The following BCAS3 variants were observed in gnomAD, a reference collection of about 807,000 sequenced individuals.
The protein encoded by BCAS3 is BCAS4/BCAS3 fusion.
A neutral mutation model predicts 116.1 loss-of-function variants in BCAS3; 53 were observed. That is an observed-to-expected ratio of 0.46 (90% CI 0.37 to 0.57). The LOEUF (loss-of-function observed/expected upper bound fraction) is 0.57, where lower values mean the gene tolerates loss of function less well. BCAS3 is among the 20% of genes least tolerant of loss of function. The pLI is 0.00. For missense variants in BCAS3, 917 were observed against 1,165.4 expected, an observed-to-expected ratio of 0.79 and a Z score of 3.10; for synonymous variants, 391 against 408.2, an observed-to-expected ratio of 0.96 and a Z score of 0.51.
At chr17:61,257,207 G>T (rs1394854531) in intron 22 of BCAS3, among the ~76,000 whole-genome samples, 1 of 152,026 alleles carries the variant, frequency 6.6e-6, no homozygotes, top group Non-Finnish European at 1.5e-5. Context: ...AGATCACGAG[G>T]TCAGGAGTTT....
intron 7 of BCAS3, among the ~76,000 whole-genome samples, chr17:60,834,453 A>G (rs1162531557): frequency 6.6e-6 from 1 of 152,004 alleles, no homozygotes; most frequent in Non-Finnish European, 1.5e-5. Context: ...ATTTCTCAGC[A>G]TGTCTCAAAT....
chr17:60,975,783 A>C (rs973998487), intron 14 of BCAS3, among the ~76,000 whole-genome samples: 10 of 152,134 alleles, frequency 6.6e-5, no homozygotes, highest in Non-Finnish European at 1.5e-4. Flanking sequence ...ATAAAATGGA[A>C]TCATACAATA....
At position 61,146,263 on chromosome 17, in the gene BCAS3, CA is replaced by C. The variant is rs565916410; in HGVS notation, c.2425+61700del. On this transcript the variant is annotated intron_variant, in intron 22 of 23. Coordinates refer to ENST00000407086, the MANE Select transcript of BCAS3 (RefSeq NM_017679.5). ...CTGGGATTACAGGTGTAAGCCACTA[CA>C]CCCAGCTGATTTTTTTTTTTTTTTG... 4.0e-5 allele frequency among the ~76,000 whole-genome samples: 6 copies of C among 151,280 alleles called. No homozygotes were observed. In the South Asian group the frequency reaches 1.3e-3, roughly 32 times the overall value.
At chr17:60,693,433 G>C (rs2035137932) in intron 4 of BCAS3, among the ~76,000 whole-genome samples, 1 of 150,634 alleles carries the variant, frequency 6.6e-6, no homozygotes, top group Non-Finnish European at 1.5e-5. Flanking sequence ...TTTTTTGACA[G>C]AGTCTCACTT....
In BCAS3 at chr17:61,017,890, C is replaced by T. The variant is rs1431869746; in HGVS notation, c.1637+1989C>T. Among the ~76,000 whole-genome samples, 2 of 152,130 alleles carry T rather than the reference C, an allele frequency of 1.3e-5. No homozygotes were observed. Among genetic ancestry groups the T allele is most frequent in the East Asian group, 1.9e-4 (1 of 5,186 alleles). On this transcript the variant is annotated intron_variant, in intron 16 of 23. Transcript: ENST00000407086. This position sits in a 1 kb window ranked among gnomAD's most constrained non-coding sequence, Gnocchi z 4.7. ...CATTTGGTGTCCTCCTGTGTTACTA[C>T]ACATTATGAATTTAGATAAAATTCT...
rs901480902 is a variant in BCAS3, at chr17:61,377,420, A to T, written c.2593+8926A>T. On this transcript the variant is annotated intron_variant, in intron 23 of 23. Coordinates refer to ENST00000407086, the MANE Select transcript of BCAS3 (RefSeq NM_017679.5). The surrounding 1 kb of genome is among the most constrained non-coding windows in gnomAD (Gnocchi z 4.6). ...GATTGCCTATTCCTAGCTATTTTCCACTGGCAGGAGAGGCCAAATCTGAGA... is the reference window on the plus strand; with the variant it reads ...GATTGCCTATTCCTAGCTATTTTCCTCTGGCAGGAGAGGCCAAATCTGAGA... 2.0e-5 allele frequency among the ~76,000 whole-genome samples: 3 copies of T among 152,074 alleles called. No homozygotes were observed. The South Asian group carries it at 6.2e-4, about 32-fold the overall frequency.
At chr17:61,030,549 C>G (rs1215719800) in intron 16 of BCAS3, among the ~76,000 whole-genome samples, 1 of 152,046 alleles carries the variant, frequency 6.6e-6, no homozygotes, top group African/African-American at 2.4e-5. Context: ...ATCCCTATAA[C>G]TTCCTCTGAT....
chr17:60,846,527 G>A (rs1389609301), intron 7 of BCAS3, among the ~76,000 whole-genome samples: 1 of 152,166 alleles, frequency 6.6e-6, no homozygotes, highest in East Asian at 1.9e-4. Flanking sequence ...GTTGAGAGAA[G>A]TATGTTGAAG....
chr17:60,852,341 T>C (rs2053250080), intron 7 of BCAS3, among the ~76,000 whole-genome samples: 1 of 152,200 alleles, frequency 6.6e-6, no homozygotes, highest in Admixed American at 6.5e-5. Context: ...GTTGTCCTGT[T>C]TTCCTAATAA....
chr17:60,978,687 C>T (rs1006153984), intron 14 of BCAS3, among the ~76,000 whole-genome samples: 18 of 152,182 alleles, frequency 1.2e-4, no homozygotes, highest in South Asian at 2.1e-4. Flanking sequence ...GTATAAGGTG[C>T]AAGGAAGGGA....
intron 13 of BCAS3, among the ~76,000 whole-genome samples, chr17:60,936,062 T>C (rs2059907865): frequency 2.1e-5 from 3 of 145,598 alleles, no homozygotes; most frequent in Admixed American, 2.1e-4. Flanking sequence ...CCTGTGTCCA[T>C]GTGTTCTCAT....
intron 16 of BCAS3, among the ~76,000 whole-genome samples, chr17:61,024,970 G>A (rs1463609372): frequency 6.6e-6 from 1 of 152,092 alleles, no homozygotes; most frequent in Non-Finnish European, 1.5e-5. Flanking sequence ...GGACATTCCA[G>A]ATTACAGTCA....
intron 22 of BCAS3, among the ~76,000 whole-genome samples, chr17:61,334,838 T>A (rs754199486): frequency 2.6e-5 from 4 of 152,184 alleles, no homozygotes; most frequent in Non-Finnish European, 4.4e-5. Context: ...CAACCGGTAT[T>A]TATTAGTGCC....
intron 22 of BCAS3, among the ~76,000 whole-genome samples, chr17:61,109,283 T>TTGTGTG (rs113547904): frequency 0.14 from 19,702 of 145,274 alleles, 1,283 homozygotes; most frequent in African/African-American, 0.15. Context: ...AGTATTCCAT[T>TTGTGTG]TGTGTGTGTG....
chr17:61,355,654 T>A lies in BCAS3; in HGVS notation c.2426-12673T>A, dbSNP rs1283791950. On this transcript the variant is annotated intron_variant, in intron 22 of 23. Transcript: ENST00000407086. This position sits in a 1 kb window ranked among gnomAD's most constrained non-coding sequence, Gnocchi z 4.2. ...AATTGGAACAATAACATCCACCTCATAAGTTATTGGGATGATTTCAGTGCA... is the reference window on the plus strand; with the variant it reads ...AATTGGAACAATAACATCCACCTCAAAAGTTATTGGGATGATTTCAGTGCA... 1.3e-5 allele frequency among the ~76,000 whole-genome samples: 2 copies of A among 152,196 alleles called. No individual in the cohort carries two copies. The highest frequency in any genetic ancestry group is 2.9e-5 in the Non-Finnish European group (2 of 68,032).
intron 6 of BCAS3, among the ~76,000 whole-genome samples, chr17:60,763,982 A>G (rs985952487): frequency 6.6e-6 from 1 of 152,132 alleles, no homozygotes; most frequent in African/African-American, 2.4e-5. Context: ...GTTTATTTGC[A>G]TAGAGGTGTT....
At chr17:60,851,119 C>A (rs977916387) in intron 7 of BCAS3, among the ~76,000 whole-genome samples, 1 of 151,958 alleles carries the variant, frequency 6.6e-6, no homozygotes, top group African/African-American at 2.4e-5. Flanking sequence ...ACTTTTGCTC[C>A]GTGAAAGATT....
rs779715583 is a variant in BCAS3 at position 61,034,682 on chromosome 17, C to T, written c.1654C>T (p.Pro552Ser). 11 of 1,608,510 alleles carry T rather than the reference C, an allele frequency of 6.8e-6. No individual in the cohort carries two copies. In the East Asian group the frequency reaches 1.8e-4, roughly 26 times the overall value. Reference protein sequence around the residue: ...TKRTGKVKPPPQISPSKSMGG... With the variant: ...TKRTGKVKPPSQISPSKSMGG... ...TTTTTTAAGCAAAGTTAAACCTCCT[C>T]CACAAATTTCACCCAGCAAATCGAT... Residue 552 changes from proline (P) to serine (S), a missense_variant, in exon 17 of 24, where the codon CCA (proline) becomes TCA (serine). By Grantham distance (74) the Pro-to-Ser change is moderately conservative. This residue lies in a region of BCAS3 where 807 missense variants were observed against 1,026.0 expected (regional missense o/e 0.79). Transcript: ENST00000407086. The surrounding 1 kb of genome is among the most constrained non-coding windows in gnomAD (Gnocchi z 5.0).
At chr17:60,729,272 A>G (rs1047058707) in intron 5 of BCAS3, among the ~76,000 whole-genome samples, 1 of 148,824 alleles carries the variant, frequency 6.7e-6, no homozygotes, top group Non-Finnish European at 1.5e-5. Flanking sequence ...CTTTGCCTAT[A>G]ATGAATAAAG....
Sources: gnomAD v4.1 joint callset for allele counts (sites outside exome capture counted in the v4.1 genomes callset) on GRCh38, gnomAD v4.1.1 for gene constraint, gnomAD v4.1.1 regional missense constraint, Gnocchi (gnomAD v3.1) non-coding constraint, MANE v1.5 for transcripts, NCBI Gene and HGNC (gene_info 2026-07-23, HGNC 2026-07-21) for gene names.